Variants in CCDC7 observed in about 807,000 individuals in gnomAD.
CCDC7 encodes the protein coiled-coil domain containing 7, also known as coiled-coil domain-containing protein 7.
CCDC7 carries 183 observed loss-of-function variants against 196.9 expected under a neutral mutation model. That is an observed-to-expected ratio of 0.93 (90% CI 0.82 to 1.05). CCDC7 has a LOEUF of 1.05. Ranked by LOEUF, CCDC7 falls within the 50% of genes least tolerant of loss-of-function variation. CCDC7 has a pLI of 0.00. For synonymous variants in CCDC7, 525 were observed against 484.6 expected (o/e 1.08, Z -1.10); for missense variants, 1,540 against 1,482.2 (o/e 1.04, Z -0.64).
chr10:32,706,798 T>C (rs2079847103), intron 24 of CCDC7, among the ~76,000 whole-genome samples: 1 of 152,116 alleles, frequency 6.6e-6, no homozygotes, highest in Non-Finnish European at 1.5e-5. Context: ...AATAGTCCAA[T>C]AACAGGCTCT....
intron 23 of CCDC7, among the ~76,000 whole-genome samples, chr10:32,691,013 A>G (rs530680371): frequency 6.6e-6 from 1 of 152,308 alleles, no homozygotes; most frequent in East Asian, 1.9e-4. Context: ...GATCACAGCC[A>G]CCTGTGCACC....
chr10:32,696,654 A>T (rs1316808578), intron 24 of CCDC7, among the ~76,000 whole-genome samples: 1 of 152,140 alleles, frequency 6.6e-6, no homozygotes, highest in Admixed American at 6.5e-5. Context: ...CCACCAAACC[A>T]TGAGTTCCCT....
intron 41 of CCDC7, among the ~76,000 whole-genome samples, chr10:32,868,017 A>G (rs184634025): frequency 5.7e-4 from 87 of 151,838 alleles, no homozygotes; most frequent in African/African-American, 1.9e-3. Flanking sequence ...AATCATACCT[A>G]TTTATTTCTT....
intron 11 of CCDC7, among the ~76,000 whole-genome samples, chr10:32,529,280 A>G (rs1461089483): frequency 6.6e-6 from 1 of 152,190 alleles, no homozygotes; most frequent in Non-Finnish European, 1.5e-5. Flanking sequence ...TCAGCCTCCC[A>G]AAGTGCTGGG....
Position 32,726,720 on chromosome 10 carries a change from G to C in CCDC7, c.2570-14G>C. On this transcript the variant is annotated splice_polypyrimidine_tract_variant and intron_variant, in intron 25 of 41. Coordinates refer to ENST00000639629, the Ensembl canonical transcript of CCDC7. Reference sequence around the variant, plus strand: ...GCGGACTAAATGTATCTCTTTATGTGGTTCATTTTGTAGTACCAGATAAAA... The same window carrying C: ...GCGGACTAAATGTATCTCTTTATGTCGTTCATTTTGTAGTACCAGATAAAA... The C allele has an allele frequency of 6.9e-7, 1 of 1,443,342 alleles. No individual in the cohort carries two copies. The highest frequency in any genetic ancestry group is 9.7e-7 in the Non-Finnish European group (1 of 1,032,272). 89.4% of individuals were successfully genotyped at this position (1,443,342 alleles called of 1,614,324 possible).
chr10:32,594,005 T>G (rs1260563887), intron 18 of CCDC7, among the ~76,000 whole-genome samples: 1 of 152,228 alleles, frequency 6.6e-6, no homozygotes, highest in Non-Finnish European at 1.5e-5. Context: ...TTTGTTCTTT[T>G]GGCTTAGGAT....
intron 18 of CCDC7, among the ~76,000 whole-genome samples, chr10:32,629,952 A>G (rs376669473): frequency 2.6e-4 from 40 of 152,164 alleles, no homozygotes; most frequent in African/African-American, 9.4e-4. Context: ...GGAGTCTTCT[A>G]GTTTGGAGTT....
intron 20 of CCDC7, among the ~76,000 whole-genome samples, chr10:32,661,856 A>T (rs2071532677): frequency 6.6e-6 from 1 of 152,144 alleles, no homozygotes; most frequent in South Asian, 2.1e-4. Context: ...GGGGTGGCAC[A>T]GCACTCCTTT....
At chr10:32,705,990 T>C (rs558169675) in intron 24 of CCDC7, among the ~76,000 whole-genome samples, 1 of 152,190 alleles carries the variant, frequency 6.6e-6, no homozygotes, top group East Asian at 1.9e-4. Context: ...CTACAGAACT[T>C]TCCACCACAA....
chr10:32,678,293 G>A (rs1473059435), intron 21 of CCDC7, among the ~76,000 whole-genome samples: 4 of 152,098 alleles, frequency 2.6e-5, no homozygotes, highest in African/African-American at 2.4e-5. Context: ...AGAGCATCCC[G>A]TGGGGTTGTA....
At chr10:32,650,123 C>A (rs2068474963) in intron 20 of CCDC7, among the ~76,000 whole-genome samples, 1 of 152,136 alleles carries the variant, frequency 6.6e-6, no homozygotes, top group Non-Finnish European at 1.5e-5. Flanking sequence ...CTGATTTGTT[C>A]TCATCTGGGA....
At chr10:32,697,332 C>T (rs1023236101) in intron 24 of CCDC7, among the ~76,000 whole-genome samples, 4 of 152,200 alleles carry the variant, frequency 2.6e-5, no homozygotes, top group Non-Finnish European at 5.9e-5. Flanking sequence ...ACTGGTTGGA[C>T]AGTGGGTGCA....
At chr10:32,457,420 C>T (rs531295974) in intron 3 of CCDC7, among the ~76,000 whole-genome samples, 1 of 152,032 alleles carries the variant, frequency 6.6e-6, no homozygotes, top group Admixed American at 6.5e-5. Context: ...TTTCTTTATT[C>T]ATTTGTCTAT....
chr10:32,543,456 TAA>T (rs2051855099), intron 12 of CCDC7, 71 bp downstream of exon 13: 6 of 1,163,984 alleles, frequency 5.2e-6, no homozygotes, highest in Middle Eastern at 5.2e-4. Flanking sequence ...ACAAACAATT[TAA>T]AGTCAAATAA....
chr10:32,728,791 TTACTTATAACTTTA>T, intron 26 of CCDC7, 82 bp from the exon 28 acceptor site: 1 of 619,600 alleles, frequency 1.6e-6, no homozygotes, highest in Non-Finnish European at 2.6e-6. Flanking sequence ...TTATGGTAAT[TTACTTATAACTTTA>T]TAAAAATAAG....
chr10:32,860,678 C>T (rs4353220), intron 41 of CCDC7, among the ~76,000 whole-genome samples: 23,794 of 151,998 alleles, frequency 0.16, 2,299 homozygotes, highest in African/African-American at 0.25. Flanking sequence ...TCATCTAGGC[C>T]CCAAATCTCC....
intron 15 of CCDC7, among the ~76,000 whole-genome samples, chr10:32,571,547 G>A (rs942648063): frequency 1.3e-5 from 2 of 152,054 alleles, no homozygotes; most frequent in Admixed American, 6.6e-5. Context: ...CTATGGATCA[G>A]CTATTTTCTT....
At chr10:32,861,562 AT>A (rs2093984825) in intron 41 of CCDC7, among the ~76,000 whole-genome samples, 1 of 152,226 alleles carries the variant, frequency 6.6e-6, no homozygotes, top group African/African-American at 2.4e-5. Context: ...AAAAGCCAAA[AT>A]TGACAAATGA....
chr10:32,682,482 G>T (rs2075980427), intron 21 of CCDC7, among the ~76,000 whole-genome samples: 1 of 152,146 alleles, frequency 6.6e-6, no homozygotes, highest in Non-Finnish European at 1.5e-5. Context: ...TGTCTTTATG[G>T]TAAAATGATT....
Sources: allele counts gnomAD v4.1 joint callset (sites outside exome capture counted in the v4.1 genomes callset), GRCh38; gene constraint gnomAD v4.1.1; transcripts MANE v1.5; gene names NCBI Gene and HGNC (gene_info 2026-07-23, HGNC 2026-07-21).